Variants in ANKRD44 observed in about 807,000 individuals in gnomAD.
The protein encoded by ANKRD44 is serine/threonine-protein phosphatase 6 regulatory ankyrin repeat subunit B.
In ANKRD44, 35 loss-of-function variants were observed where a neutral mutation model predicts 116.0. The ratio of observed to expected loss-of-function variants is 0.30; its 90% CI spans 0.23 to 0.40. The LOEUF (loss-of-function observed/expected upper bound fraction) is 0.40, where lower values mean the gene tolerates loss of function less well. Ranked by LOEUF, ANKRD44 falls within the 10% of genes least tolerant of loss-of-function variation. ANKRD44 has a pLI of 1.00. For missense variants in ANKRD44, 1,014 were observed against 1,242.6 expected, an observed-to-expected ratio of 0.82 and a Z score of 2.77; for synonymous variants, 435 against 461.8, an observed-to-expected ratio of 0.94 and a Z score of 0.74.
chr2:197,238,954 C>T (rs570927069), intron 1 of ANKRD44, among the ~76,000 whole-genome samples: 2 of 152,276 alleles, frequency 1.3e-5, no homozygotes, highest in East Asian at 3.9e-4. Context: ...ATCTGCTCGT[C>T]CTGGCCCCCC....
At chr2:197,083,624 T>G in intron 13 of ANKRD44, 115 bp from the exon 14 acceptor site, 3 of 1,152,114 alleles carry the variant, frequency 2.6e-6, no homozygotes, top group Non-Finnish European at 3.6e-6. Flanking sequence ...ACTCTCAGAG[T>G]GTGTGGAGGC....
chr2:197,240,190 C>T (rs113417778), intron 1 of ANKRD44, among the ~76,000 whole-genome samples: 7 of 152,044 alleles, frequency 4.6e-5, no homozygotes, highest in African/African-American at 1.4e-4. Context: ...GCCTAGCCAA[C>T]ACGGTGAAAC....
Position 197,000,449 on chromosome 2 carries a change from C to A in ANKRD44, c.2489G>T (p.Ser830Ile). ...TTTGTCATCTCTACAACTGACGATA[C>A]TGGAATCTATGGCCCCAAGCAGCAA... The part of the protein sequence containing the change: ...ASLLLGAIDS[S>I]IVSCRDDKGR... The change falls in exon 23 of 28, where the codon AGT (serine) becomes ATT (isoleucine). Residue 830 changes from serine (S) to isoleucine (I), a missense_variant. By Grantham distance (142) the Ser-to-Ile change is moderately radical. Transcript: ENST00000282272. 6.2e-7 allele frequency: 1 copy of A among 1,614,084 alleles called. No homozygotes were observed. Among genetic ancestry groups the A allele is most frequent in the Non-Finnish European group, 8.5e-7 (1 of 1,179,982 alleles).
intron 1 of ANKRD44, among the ~76,000 whole-genome samples, chr2:197,256,743 T>G (rs144683377): frequency 2.0e-5 from 3 of 152,116 alleles, no homozygotes; most frequent in African/African-American, 7.2e-5. Flanking sequence ...AAGGGGAGGA[T>G]GTAAGGCCCT....
chr2:196,980,864 C>G (rs1221963086), intron 21 of ANKRD44, among the ~76,000 whole-genome samples: 1 of 152,070 alleles, frequency 6.6e-6, no homozygotes. Context: ...CTCTTAGTAT[C>G]CATCTACTTA....
At chr2:197,269,020 C>T (rs2082816470) in intron 1 of ANKRD44, among the ~76,000 whole-genome samples, 1 of 151,062 alleles carries the variant, frequency 6.6e-6, no homozygotes, top group Non-Finnish European at 1.5e-5. Context: ...GAAATGCATA[C>T]TCAAAAAAAG....
intron 14 of ANKRD44, 119 bp downstream of exon 14, chr2:197,083,250 A>T: frequency 1.5e-6 from 2 of 1,311,472 alleles, no homozygotes; most frequent in Non-Finnish European, 2.1e-6. Flanking sequence ...AAGCAAATCT[A>T]ACTCTTTTGG....
intron 1 of ANKRD44, among the ~76,000 whole-genome samples, chr2:197,261,949 A>G (rs1306905055): frequency 6.6e-6 from 1 of 152,242 alleles, no homozygotes. Context: ...GTGTGACGGG[A>G]CAAGAGAAAA....
intron 1 of ANKRD44, among the ~76,000 whole-genome samples, chr2:197,222,476 C>T (rs2081606865): frequency 6.6e-6 from 1 of 152,220 alleles, no homozygotes; most frequent in African/African-American, 2.4e-5. Flanking sequence ...AAAACATTCT[C>T]TGCCCTCATT....
intron 27 of ANKRD44, among the ~76,000 whole-genome samples, chr2:196,991,198 G>A (rs2075909389): frequency 6.6e-6 from 1 of 152,126 alleles, no homozygotes; most frequent in South Asian, 2.1e-4. Flanking sequence ...AGTTAGGCAG[G>A]ATTCCAGCCT....
At chr2:197,247,844 T>C (rs1179438279) in intron 1 of ANKRD44, among the ~76,000 whole-genome samples, 1 of 152,148 alleles carries the variant, frequency 6.6e-6, no homozygotes, top group Non-Finnish European at 1.5e-5. Flanking sequence ...TTCTGCTCAG[T>C]TCAGACCAAG....
intron 1 of ANKRD44, among the ~76,000 whole-genome samples, chr2:197,197,252 AAG>A (rs1271176215): frequency 4.6e-5 from 7 of 152,194 alleles, no homozygotes; most frequent in Non-Finnish European, 1.5e-5. Flanking sequence ...AGGCAGCAGG[AAG>A]AGAGAGGAGC....
intron 16 of ANKRD44, among the ~76,000 whole-genome samples, chr2:197,052,201 C>T (rs898023810): frequency 5.3e-5 from 8 of 152,126 alleles, no homozygotes; most frequent in African/African-American, 1.9e-4. Flanking sequence ...TAGTGAGAAA[C>T]CCATCCTTCA....
At chr2:197,089,008 G>T in intron 11 of ANKRD44, 2 of 394,154 alleles carry the variant, frequency 5.1e-6, no homozygotes, top group Non-Finnish European at 9.0e-6. Flanking sequence ...TTCAGCCCTG[G>T]GTGAACCACA....
rs146061316 is a variant in ANKRD44 at position 197,247,518 on chromosome 2, G to A, written c.28-60412C>T. On this transcript the variant is annotated intron_variant, in intron 1 of 27. Transcript: ENST00000282272. ...AAACCAATTCTTCTATATAAATTAG[G>A]CTTTGTCCAGTGGCAAGAAGTGGGA... Among the ~76,000 whole-genome samples, 9 of 152,292 alleles carry A rather than the reference G, an allele frequency of 5.9e-5. No individual in the cohort carries two copies. The East Asian group carries it at 1.7e-3, about 29-fold the overall frequency.
intron 1 of ANKRD44, among the ~76,000 whole-genome samples, chr2:197,285,479 GT>G (rs2105849147): frequency 6.6e-6 from 1 of 152,310 alleles, no homozygotes; most frequent in African/African-American, 2.4e-5. Flanking sequence ...AAATATTCTA[GT>G]TGACGCTGAA....
At chr2:197,291,295 A>G (rs1345456131) in intron 1 of ANKRD44, among the ~76,000 whole-genome samples, 1 of 152,178 alleles carries the variant, frequency 6.6e-6, no homozygotes, top group Non-Finnish European at 1.5e-5. Flanking sequence ...GGATCACCTG[A>G]GGTCAGCAGT....
chr2:197,143,623 C>T (rs2079426928), intron 3 of ANKRD44, among the ~76,000 whole-genome samples: 1 of 151,734 alleles, frequency 6.6e-6, no homozygotes, highest in South Asian at 2.1e-4. Context: ...GGGTTGGTTC[C>T]AAGTCTTTGC....
chr2:197,010,303 C>T (rs533072696), intron 18 of ANKRD44, among the ~76,000 whole-genome samples: 2 of 152,294 alleles, frequency 1.3e-5, no homozygotes, highest in Non-Finnish European at 2.9e-5. Flanking sequence ...GCCCCACGGT[C>T]ACCGAGCCAC....
Sources: allele counts gnomAD v4.1 joint callset (sites outside exome capture counted in the v4.1 genomes callset), GRCh38; gene constraint gnomAD v4.1.1; transcripts MANE v1.5; gene names NCBI Gene and HGNC (gene_info 2026-07-23, HGNC 2026-07-21).